Variants in FBLN2 observed in about 807,000 individuals in gnomAD.
FBLN2 encodes the protein fibulin 2.
In FBLN2, 81 loss-of-function variants were observed where a neutral mutation model predicts 123.7. That is an observed-to-expected ratio of 0.65 (90% confidence interval 0.55 to 0.79). FBLN2 has a LOEUF of 0.79. Ranked by LOEUF, FBLN2 falls within the 30% of genes least tolerant of loss-of-function variation. The pLI is 0.00. For synonymous variants in FBLN2, 699 were observed against 701.4 expected (o/e 1.00, Z 0.05); for missense variants, 1,603 against 1,681.3 (o/e 0.95, Z 0.81).
chr3:13,549,148 G>A lies in FBLN2; in HGVS notation c.-102G>A, dbSNP rs1249960123. 8 of 982,758 alleles carry A rather than the reference G, an allele frequency of 8.1e-6. No homozygotes were observed. The highest frequency in any genetic ancestry group is 1.8e-5 in the African/African-American group (1 of 56,916). 60.9% of individuals were successfully genotyped at this position (982,758 alleles called of 1,614,324 possible). A position where few individuals can be genotyped will look rare whatever the true frequency, so the allele number is the denominator to read the frequency against. On this transcript the variant is annotated 5_prime_UTR_variant, in exon 1 of 18. Transcript: ENST00000404922. ...GCGCACACAGCCAGGGGCCGCCCGG[G>A]CTCTCGACGCGCCGACGGCCGGGCG...
At chr3:13,614,425 A>G (rs1416277653) in intron 5 of FBLN2, among the ~76,000 whole-genome samples, 1 of 151,814 alleles carries the variant, frequency 6.6e-6, no homozygotes, top group Non-Finnish European at 1.5e-5. Flanking sequence ...CTCCCTGTCT[A>G]CTTTGTCTAT....
At chr3:13,564,988 T>C (rs2125038235) in intron 1 of FBLN2, among the ~76,000 whole-genome samples, 1 of 152,280 alleles carries the variant, frequency 6.6e-6, no homozygotes, top group Admixed American at 6.5e-5. Context: ...CACTTCTGAC[T>C]CTGATGTGCC....
intron 12 of FBLN2, 52 bp downstream of exon 12, chr3:13,629,100 C>T (rs954014064): frequency 2.2e-5 from 35 of 1,612,702 alleles, no homozygotes; most frequent in Non-Finnish European, 2.8e-5. Flanking sequence ...CCCGCTTCCC[C>T]ACCCCTGGGA....
At position 13,619,788 on chromosome 3, in the gene FBLN2, T is replaced by C; in HGVS notation, c.2112T>C (p.Cys704=). ...STVGGSAICS[C]FPGYAIMADG... ...TTGGGGGCTCAGCCATATGCTCCTGTTTTCCCGGCTATGCCATCATGGCGG... is the reference window on the plus strand; with the variant it reads ...TTGGGGGCTCAGCCATATGCTCCTGCTTTCCCGGCTATGCCATCATGGCGG... Residue 704 remains cysteine, a synonymous_variant, in exon 8 of 18, where the codon TGT becomes TGC. Coordinates refer to ENST00000404922, the MANE Select transcript of FBLN2 (RefSeq NM_001004019.2). The C allele has an allele frequency of 1.2e-6, 2 of 1,612,858 alleles. No individual in the cohort carries two copies. Among genetic ancestry groups the C allele is most frequent in the South Asian group, 1.1e-5 (1 of 90,846 alleles).
At chr3:13,568,658 C>T (rs1335864207) in intron 1 of FBLN2, 11 of 483,944 alleles carry the variant, frequency 2.3e-5, no homozygotes, top group South Asian at 9.5e-5. Context: ...CCCTGCCTGA[C>T]GCCCTCCTCA....
intron 1 of FBLN2, among the ~76,000 whole-genome samples, chr3:13,552,663 G>A (rs910235504): frequency 6.6e-6 from 1 of 152,152 alleles, no homozygotes; most frequent in African/African-American, 2.4e-5. Flanking sequence ...TTATAGGGTG[G>A]TGGGAGCAGT....
At chr3:13,550,161 A>G (rs927413178) in intron 1 of FBLN2, among the ~76,000 whole-genome samples, 3 of 152,176 alleles carry the variant, frequency 2.0e-5, no homozygotes, top group African/African-American at 7.2e-5. Context: ...CTGGCACTCC[A>G]TGGGCAGTCC....
At chr3:13,579,869 C>G (rs1181022720) in intron 2 of FBLN2, among the ~76,000 whole-genome samples, 1 of 152,230 alleles carries the variant, frequency 6.6e-6, no homozygotes, top group Admixed American at 6.5e-5. Flanking sequence ...GCACACAACT[C>G]AAATGAATTT....
At chr3:13,623,052 CCCTT>C (rs980493924) in intron 9 of FBLN2, among the ~76,000 whole-genome samples, 1 of 152,236 alleles carries the variant, frequency 6.6e-6, no homozygotes, top group African/African-American at 2.4e-5. Flanking sequence ...TGGACATATC[CCCTT>C]CCTTCCTCGC....
chr3:13,549,305 C>A, intron 1 of FBLN2, 97 bp downstream of exon 1: 1 of 791,496 alleles, frequency 1.3e-6, no homozygotes, highest in Non-Finnish European at 1.5e-6. Context: ...GACGGCTCGG[C>A]GGACCCTCGG....
chr3:13,618,033 C>G, intron 5 of FBLN2, 43 bp from the exon 6 acceptor site: 4 of 1,593,314 alleles, frequency 2.5e-6, no homozygotes, highest in Non-Finnish European at 3.4e-6. Context: ...GCCACCTACT[C>G]TGACCAAGCT....
At chr3:13,586,151 G>GGTCAGGATGATGATCCTGACC (rs1358419272) in intron 2 of FBLN2, among the ~76,000 whole-genome samples, 38 of 152,182 alleles carry the variant, frequency 2.5e-4, no homozygotes, top group Non-Finnish European at 4.7e-4. Flanking sequence ...GTAGGCCTAG[G>GGTCAGGATGATGATCCTGACC]CTAGTGTGTG....
intron 2 of FBLN2, among the ~76,000 whole-genome samples, chr3:13,597,846 A>G (rs1020604912): frequency 1.3e-5 from 2 of 152,202 alleles, no homozygotes; most frequent in Admixed American, 1.3e-4. Flanking sequence ...TGTGAAGTCA[A>G]CCGTGGCAGT....
intron 5 of FBLN2, among the ~76,000 whole-genome samples, chr3:13,617,723 T>C (rs865780754): frequency 5.3e-4 from 32 of 60,324 alleles, no homozygotes; most frequent in African/African-American, 1.5e-3. Context: ...ATCCATCCAT[T>C]CATCCACCCC....
chr3:13,631,448 TC>T lies in FBLN2; in HGVS notation c.3207del (p.Cys1070AlafsTer97). ...QGYTMTANGR[S>X]CKDVDECALG... ...CTACACCATGACGGCCAACGGGAGG[TC>T]CTGCAAGGGTGAGCAAGTCCCCCCA... On this transcript the variant is annotated frameshift_variant, in exon 16 of 18. Transcript: ENST00000404922. LOFTEE classifies it high-confidence loss of function. 1 of 1,591,064 alleles carries T rather than the reference TC, an allele frequency of 6.3e-7. No individual in the cohort carries two copies. Among genetic ancestry groups the T allele is most frequent in the South Asian group, 1.1e-5 (1 of 87,418 alleles).
At chr3:13,582,620 C>G (rs1181910084) in intron 2 of FBLN2, among the ~76,000 whole-genome samples, 1 of 152,198 alleles carries the variant, frequency 6.6e-6, no homozygotes, top group African/African-American at 2.4e-5. Flanking sequence ...AGAGTGAATT[C>G]CTGCCTCTGC....
chr3:13,549,286 G>T, intron 1 of FBLN2, 78 bp downstream of exon 1: 2 of 917,240 alleles, frequency 2.2e-6, no homozygotes, highest in Non-Finnish European at 2.6e-6. Flanking sequence ...GGGGGCGCTC[G>T]GACGCACCGA....
At chr3:13,581,188 A>G (rs1275137106) in intron 2 of FBLN2, among the ~76,000 whole-genome samples, 1 of 132,668 alleles carries the variant, frequency 7.5e-6, no homozygotes, top group Admixed American at 7.9e-5. Flanking sequence ...GGGGCCACAC[A>G]CACGCGGGGA....
intron 5 of FBLN2, among the ~76,000 whole-genome samples, chr3:13,614,529 A>C (rs62232971): frequency 0.15 from 22,360 of 151,626 alleles, 2,155 homozygotes; most frequent in African/African-American, 0.26. Flanking sequence ...CCATCTCTCC[A>C]TCCATTCATT....
Sources: allele counts gnomAD v4.1 joint callset (sites outside exome capture counted in the v4.1 genomes callset), GRCh38; gene constraint gnomAD v4.1.1; transcripts MANE v1.5; gene names NCBI Gene and HGNC (gene_info 2026-07-23, HGNC 2026-07-21).